Variants in TDRD5 observed in about 807,000 individuals in gnomAD.
TDRD5 encodes tudor domain-containing protein 5.
A neutral mutation model predicts 120.6 loss-of-function variants in TDRD5; 41 were observed. That is an observed-to-expected ratio of 0.34 (90% CI 0.26 to 0.44). TDRD5 has a LOEUF of 0.44. Ranked by LOEUF, TDRD5 falls within the 20% of genes least tolerant of loss-of-function variation. The probability of loss-of-function intolerance (pLI) is 1.00; values close to 1 mark genes in which losing one functional copy is unlikely to be tolerated. For synonymous variants in TDRD5, 430 were observed against 433.7 expected, an observed-to-expected ratio of 0.99 and a Z score of 0.11; for missense variants, 1,006 against 1,221.2, an observed-to-expected ratio of 0.82 and a Z score of 2.63.
At chr1:179,618,777 C>A (rs1332660433) in intron 5 of TDRD5, 95 bp downstream of exon 5, 18 of 879,270 alleles carry the variant, frequency 2.0e-5, no homozygotes, top group Non-Finnish European at 2.9e-5. Context: ...TAATTTACAT[C>A]TAATCTTTAA....
In TDRD5 at chr1:179,690,846, G is replaced by A. The variant is rs1437730414; in HGVS notation, c.3011G>A (p.Arg1004Gln). The A allele has an allele frequency of 4.3e-6, 7 of 1,613,960 alleles. No homozygotes were observed. The highest frequency in any genetic ancestry group is 1.1e-5 in the South Asian group (1 of 91,078). The change falls in exon 18 of 18, where the codon CGA becomes CAA. Residue 1004 changes from arginine to glutamine, a missense_variant. Physicochemically the swap from Arg to Gln is conservative, Grantham distance 43. Around this residue, in one of 3 missense-constraint regions of TDRD5, gnomAD observed 403 missense variants for 448.1 expected, o/e 0.90. Coordinates refer to ENST00000444136, the MANE Select transcript of TDRD5 (RefSeq NM_001199085.3). Reference sequence around the variant, plus strand: ...ATTTCTCAGAAGCTCTACATTCCTCGAAGTACAGCCACTGCTGCCTTAGGT... The same window carrying A: ...ATTTCTCAGAAGCTCTACATTCCTCAAAGTACAGCCACTGCTGCCTTAGGT... ...CQISQKLYIP[R>Q]STATAALGAA... is the part of the protein sequence containing the mutation.
chr1:179,659,378 G>A (rs187730481), intron 14 of TDRD5, among the ~76,000 whole-genome samples: 325 of 152,080 alleles, frequency 2.1e-3, no homozygotes, highest in Admixed American at 3.8e-3. Flanking sequence ...CATTCTGTCA[G>A]TTTTTCTGTT....
At chr1:179,683,776 T>TACGTTGCTGAAC (rs1425103539) in intron 17 of TDRD5, among the ~76,000 whole-genome samples, 3 of 152,186 alleles carry the variant, frequency 2.0e-5, no homozygotes, top group Non-Finnish European at 2.9e-5. Flanking sequence ...TTCAAGCAGC[T>TACGTTGCTGAAC]ACGTTGCTGA....
chr1:179,643,999 T>C (rs1239959159), intron 11 of TDRD5, among the ~76,000 whole-genome samples: 5 of 152,056 alleles, frequency 3.3e-5, no homozygotes, highest in Non-Finnish European at 7.4e-5. Flanking sequence ...TAACTGCCCA[T>C]TGAAAGGAAC....
chr1:179,639,368 A>C (rs1297295448), intron 9 of TDRD5, among the ~76,000 whole-genome samples: 1 of 152,222 alleles, frequency 6.6e-6, no homozygotes, highest in African/African-American at 2.4e-5. Context: ...CTCAACATTT[A>C]AGGCAATACA....
chr1:179,677,054 T>A (rs914952519), intron 17 of TDRD5, among the ~76,000 whole-genome samples: 1 of 152,182 alleles, frequency 6.6e-6, no homozygotes, highest in Non-Finnish European at 1.5e-5. Context: ...TTTAAATTAT[T>A]TTTTCTTTGT....
Position 179,602,132 on chromosome 1 carries a change from A to C in TDRD5, c.831+6314A>C, listed in dbSNP as rs563702382. On this transcript the variant is annotated intron_variant, in intron 4 of 17. Transcript: ENST00000444136. ...ACTTTTAGTTCTTTAAGGAATCTCC[A>C]CAGTGTTTTCCTTAGCAGCTATACT... Among the ~76,000 whole-genome samples, 26 of 152,282 alleles carry C rather than the reference A, an allele frequency of 1.7e-4. No homozygotes were observed. In the South Asian group the frequency reaches 4.4e-3, roughly 26 times the overall value.
intron 11 of TDRD5, among the ~76,000 whole-genome samples, chr1:179,646,692 T>C (rs1041181014): frequency 6.6e-6 from 1 of 152,170 alleles, no homozygotes; most frequent in Admixed American, 6.5e-5. Context: ...CATGATAGTA[T>C]ATCTAGAAAA....
chr1:179,601,159 G>A (rs920019202), intron 4 of TDRD5, among the ~76,000 whole-genome samples: 8 of 152,232 alleles, frequency 5.3e-5, no homozygotes, highest in Admixed American at 5.2e-4. Context: ...ATGAACTACT[G>A]AGGGAGGAGT....
chr1:179,625,419 A>G (rs1346258319), intron 6 of TDRD5, among the ~76,000 whole-genome samples: 2 of 152,200 alleles, frequency 1.3e-5, no homozygotes, highest in African/African-American at 4.8e-5. Context: ...TCATACATCT[A>G]ACAAAGGACT....
chr1:179,623,987 T>C (rs1676982834), intron 6 of TDRD5, among the ~76,000 whole-genome samples: 1 of 152,078 alleles, frequency 6.6e-6, no homozygotes, highest in Non-Finnish European at 1.5e-5. Flanking sequence ...AAGCTTGACA[T>C]AGACATTACA....
At chr1:179,621,598 A>T (rs1397172261) in intron 6 of TDRD5, among the ~76,000 whole-genome samples, 2 of 152,206 alleles carry the variant, frequency 1.3e-5, no homozygotes, top group Non-Finnish European at 2.9e-5. Flanking sequence ...TCAGTAGGAT[A>T]ATGGATAGAG....
intron 13 of TDRD5, among the ~76,000 whole-genome samples, chr1:179,653,726 C>T (rs1169371785): frequency 6.6e-6 from 1 of 152,192 alleles, no homozygotes; most frequent in Admixed American, 6.5e-5. Flanking sequence ...CCACCCTAGT[C>T]TGTACTTTGA....
At chr1:179,640,081 GAATTA>G in intron 10 of TDRD5, 30 bp downstream of exon 10, 1 of 1,606,646 alleles carries the variant, frequency 6.2e-7, no homozygotes, top group Non-Finnish European at 8.5e-7. Flanking sequence ...AACAATGGAT[GAATTA>G]AATTTTGAAT....
At chr1:179,637,151 T>C (rs568759688) in intron 9 of TDRD5, among the ~76,000 whole-genome samples, 8 of 152,242 alleles carry the variant, frequency 5.3e-5, no homozygotes, top group Non-Finnish European at 1.2e-4. Context: ...TTATTTTGTA[T>C]CTCAAAAAAC....
At chr1:179,610,327 T>C (rs894461323) in intron 4 of TDRD5, among the ~76,000 whole-genome samples, 1 of 152,204 alleles carries the variant, frequency 6.6e-6, no homozygotes, top group Non-Finnish European at 1.5e-5. Context: ...CAAAGAAGCC[T>C]GAAACCAGCC....
At chr1:179,654,418 A>G (rs1414679623) in intron 14 of TDRD5, 56 bp downstream of exon 14, 4 of 1,433,588 alleles carry the variant, frequency 2.8e-6, no homozygotes, top group East Asian at 2.5e-5. Flanking sequence ...CACTGAATTC[A>G]TAAGTGAAGA....
chr1:179,604,756 A>G lies in TDRD5; in HGVS notation c.831+8938A>G, dbSNP rs12405375. ...TGAAAAAGTGCTTGATATAATTTCA[A>G]TTTTCTTAAATGTATTGAGGCTCGT... On this transcript the variant is annotated intron_variant, in intron 4 of 17. Transcript: ENST00000444136. Among the ~76,000 whole-genome samples the G allele has an allele frequency of 9.8e-3, 1,495 of 151,928 alleles. 29 individuals carry two copies. Among genetic ancestry groups the G allele is most frequent in the Admixed American group, 0.051 (781 of 15,240 alleles).
intron 11 of TDRD5, among the ~76,000 whole-genome samples, chr1:179,646,356 CAT>C (rs1297064320): frequency 2.6e-5 from 4 of 152,144 alleles, no homozygotes; most frequent in East Asian, 1.9e-4. Flanking sequence ...ACAAAAACCA[CAT>C]GATTATCTCA....
Sources: gnomAD v4.1 joint callset for allele counts (sites outside exome capture counted in the v4.1 genomes callset) on GRCh38, gnomAD v4.1.1 for gene constraint, gnomAD v4.1.1 regional missense constraint, MANE v1.5 for transcripts, NCBI Gene and HGNC (gene_info 2026-07-23, HGNC 2026-07-21) for gene names.